SERGEF: variants seen among roughly 807,000 people sequenced by gnomAD.
SERGEF encodes secretion regulating guanine nucleotide exchange factor, also known as secretion-regulating guanine nucleotide exchange factor.
A neutral mutation model predicts 50.0 loss-of-function variants in SERGEF; 51 were observed. The ratio of observed to expected loss-of-function variants is 1.02; its 90% confidence interval spans 0.81 to 1.29. SERGEF has a LOEUF of 1.29. SERGEF is among the 50% of genes most tolerant of loss of function. SERGEF has a pLI of 0.00. For synonymous variants in SERGEF, 205 were observed against 212.4 expected (o/e 0.97, Z 0.30); for missense variants, 521 against 557.0 (o/e 0.94, Z 0.65).
At chr11:17,997,159 T>C (rs2134004501) in intron 5 of SERGEF, among the ~76,000 whole-genome samples, 1 of 152,272 alleles carries the variant, frequency 6.6e-6, no homozygotes, top group Non-Finnish European at 1.5e-5. Context: ...ATCACGCCAC[T>C]GCACTCTAGC....
chr11:17,975,099 C>T (rs1853341794), intron 8 of SERGEF, among the ~76,000 whole-genome samples: 1 of 152,182 alleles, frequency 6.6e-6, no homozygotes, highest in African/African-American at 2.4e-5. Flanking sequence ...TTACAAAGTG[C>T]TTTCCATGAT....
chr11:17,980,829 C>G (rs1853482097), intron 8 of SERGEF, among the ~76,000 whole-genome samples: 1 of 152,118 alleles, frequency 6.6e-6, no homozygotes, highest in Non-Finnish European at 1.5e-5. Context: ...TATACTTAAT[C>G]TTTGAATACA....
At chr11:17,976,338 T>G (rs1007161413) in intron 8 of SERGEF, among the ~76,000 whole-genome samples, 3 of 152,076 alleles carry the variant, frequency 2.0e-5, no homozygotes, top group Non-Finnish European at 2.9e-5. Flanking sequence ...CAGGCTAGAG[T>G]GCAGTGGTGT....
chr11:17,831,883 C>T (rs1290091554), intron 10 of SERGEF, among the ~76,000 whole-genome samples: 1 of 152,196 alleles, frequency 6.6e-6, no homozygotes, highest in Non-Finnish European at 1.5e-5. Flanking sequence ...TTGTGCATTA[C>T]CTTTCATCTG....
chr11:18,008,716 G>T (rs761585945), intron 1 of SERGEF, among the ~76,000 whole-genome samples: 1 of 151,628 alleles, frequency 6.6e-6, no homozygotes, highest in Admixed American at 6.6e-5. Flanking sequence ...AGAGTTCTGG[G>T]CTACGAGTCG....
At chr11:17,951,338 T>C (rs571029003) in intron 9 of SERGEF, among the ~76,000 whole-genome samples, 1 of 152,346 alleles carries the variant, frequency 6.6e-6, no homozygotes, top group East Asian at 1.9e-4. Context: ...GATATTATTA[T>C]GTGCACTTTG....
chr11:17,823,221 G>C lies in SERGEF; in HGVS notation c.1049-34808C>G, dbSNP rs182507133. On this transcript the variant is annotated intron_variant, in intron 10 of 10. Transcript: ENST00000265965. The stretch of plus-strand genomic sequence containing the variant: ...TGATGTTTTACTCATAGTTAGACTG[G>C]GATTATGGGCTTGGAGGAGGAAGAC... Among the ~76,000 whole-genome samples the C allele has an allele frequency of 6.8e-3, 1,032 of 152,234 alleles. 6 individuals carry two copies. The highest frequency in any genetic ancestry group is 0.01 in the Non-Finnish European group (697 of 68,022).
At chr11:17,970,390 C>T (rs974445012) in intron 8 of SERGEF, among the ~76,000 whole-genome samples, 5 of 152,160 alleles carry the variant, frequency 3.3e-5, no homozygotes, top group African/African-American at 1.2e-4. Flanking sequence ...GCTCCACCGA[C>T]CAGCCCTTCT....
At chr11:17,801,623 G>A (rs1168197602) in intron 10 of SERGEF, among the ~76,000 whole-genome samples, 1 of 150,338 alleles carries the variant, frequency 6.7e-6, no homozygotes, top group Non-Finnish European at 1.5e-5. Flanking sequence ...AGATAGGCTT[G>A]GGGGAGAAAA....
chr11:17,977,876 C>A (rs546662324), intron 8 of SERGEF, among the ~76,000 whole-genome samples: 208 of 152,302 alleles, frequency 1.4e-3, no homozygotes, highest in African/African-American at 4.6e-3. Flanking sequence ...TAGGACTTCC[C>A]AGCCTCCAGA....
chr11:17,801,973 TA>T (rs1187427325), intron 10 of SERGEF, among the ~76,000 whole-genome samples: 1 of 152,124 alleles, frequency 6.6e-6, no homozygotes, highest in Non-Finnish European at 1.5e-5. Context: ...CCCTGTTTCA[TA>T]AAAAAACACA....
intron 10 of SERGEF, among the ~76,000 whole-genome samples, chr11:17,799,183 C>T (rs185497201): frequency 4.3e-4 from 66 of 152,246 alleles, no homozygotes; most frequent in African/African-American, 1.5e-3. Flanking sequence ...AAGTATGGTA[C>T]CCAGAGCTGG....
chr11:17,998,463 A>ATT (rs1235084288), intron 5 of SERGEF, among the ~76,000 whole-genome samples: 1 of 68,538 alleles, frequency 1.5e-5, no homozygotes, highest in African/African-American at 3.7e-5. Context: ...ATATATATAT[A>ATT]TATATATATA....
At chr11:17,830,649 GGAGA>G (rs55967425) in intron 10 of SERGEF, among the ~76,000 whole-genome samples, 5,528 of 77,454 alleles carry the variant, frequency 0.071, 203 homozygotes, top group Non-Finnish European at 0.088. Flanking sequence ...GGAGAGGGAG[GGAGA>G]GAGAGAGAGA....
Position 17,926,187 on chromosome 11 carries a change from T to C in SERGEF, c.1011+33283A>G, listed in dbSNP as rs78588340. ...CATTCACCCAGTTTTTTTTTCCCAA[T>C]TGGGGCATTAGTCACTTGCCTCCAT... On this transcript the variant is annotated intron_variant, in intron 9 of 10. Transcript: ENST00000265965. Among the ~76,000 whole-genome samples, 991 of 152,134 alleles carry C rather than the reference T, an allele frequency of 6.5e-3. 9 individuals are homozygous for C. Among genetic ancestry groups the C allele is most frequent in the African/African-American group, 0.022 (922 of 41,526 alleles).
intron 9 of SERGEF, among the ~76,000 whole-genome samples, chr11:17,908,671 G>T (rs1851897140): frequency 6.6e-6 from 1 of 150,604 alleles, no homozygotes; most frequent in African/African-American, 2.4e-5. Context: ...GTTGATGAAT[G>T]AGTGAGTGAG....
chr11:17,953,588 G>A (rs1272577944), intron 9 of SERGEF, among the ~76,000 whole-genome samples: 2 of 152,184 alleles, frequency 1.3e-5, no homozygotes, highest in South Asian at 2.1e-4. Context: ...GGGAAGAAGA[G>A]AAGAAGCAGT....
At chr11:17,792,750 C>T (rs1251999503) in intron 10 of SERGEF, among the ~76,000 whole-genome samples, 1 of 152,162 alleles carries the variant, frequency 6.6e-6, no homozygotes, top group African/African-American at 2.4e-5. Context: ...AAAACAGAGG[C>T]TCTAGAATCC....
intron 8 of SERGEF, among the ~76,000 whole-genome samples, chr11:17,967,166 G>A (rs187132848): frequency 2.0e-5 from 3 of 152,336 alleles, no homozygotes; most frequent in East Asian, 3.9e-4. Context: ...AACGCATAGA[G>A]AGAGGTTATG....
Sources: gnomAD v4.1 joint callset for allele counts (sites outside exome capture counted in the v4.1 genomes callset) on GRCh38, gnomAD v4.1.1 for gene constraint, MANE v1.5 for transcripts, NCBI Gene and HGNC (gene_info 2026-07-23, HGNC 2026-07-21) for gene names.